The following CPM variants were observed in gnomAD, a reference collection of about 807,000 sequenced individuals.
The protein encoded by CPM is renal carboxypeptidase.
CPM carries 35 observed loss-of-function variants against 46.4 expected under a neutral mutation model. The ratio of observed to expected loss-of-function variants is 0.75; its 90% CI spans 0.58 to 1.00. The LOEUF (loss-of-function observed/expected upper bound fraction) is 1.00, where lower values mean the gene tolerates loss of function less well. CPM is among the 50% of genes least tolerant of loss of function. The pLI is 0.00. For missense variants in CPM, 422 were observed against 530.4 expected (o/e 0.80, Z 2.01); for synonymous variants, 195 against 195.3 (o/e 1.00, Z 0.01).
intron 1 of CPM, among the ~76,000 whole-genome samples, chr12:68,962,801 C>T (rs1267161436): frequency 2.0e-5 from 3 of 152,206 alleles, no homozygotes; most frequent in African/African-American, 7.2e-5. Flanking sequence ...CCTTCGTCTC[C>T]ACAATCCTTT....
chr12:68,860,811 G>A (rs898401243), intron 7 of CPM, among the ~76,000 whole-genome samples: 9 of 152,090 alleles, frequency 5.9e-5, no homozygotes, highest in Non-Finnish European at 1.3e-4. Flanking sequence ...CACCCAGGAT[G>A]GTTGTGAAGA....
In CPM at chr12:68,871,864, G is replaced by C; in HGVS notation, c.351C>G (p.Thr117=). ...DPEITNLINS[T]RIHIMPSMNP... Reference sequence around the variant, plus strand: ...TCATGGAAGGCATGATGTGTATCCGGGTACTATTGATCAGATTTGTGATTT... The same window carrying C: ...TCATGGAAGGCATGATGTGTATCCGCGTACTATTGATCAGATTTGTGATTT... Residue 117 remains threonine, a synonymous_variant, in exon 4 of 9, where the codon ACC becomes ACG. Transcript: ENST00000551568. 1 of 1,614,126 alleles carries C rather than the reference G, an allele frequency of 6.2e-7. No homozygotes were observed. The highest frequency in any genetic ancestry group is 1.3e-5 in the African/African-American group (1 of 75,022).
At chr12:68,893,363 G>T (rs745324170) in intron 2 of CPM, among the ~76,000 whole-genome samples, 2 of 152,176 alleles carry the variant, frequency 1.3e-5, no homozygotes, top group African/African-American at 2.4e-5. Flanking sequence ...CTGAGAGCCT[G>T]TACAGATGTG....
intron 3 of CPM, among the ~76,000 whole-genome samples, chr12:68,876,797 C>T (rs539075648): frequency 1.3e-5 from 2 of 152,170 alleles, no homozygotes; most frequent in Non-Finnish European, 2.9e-5. Context: ...TGGTTCTTCA[C>T]AGAATGTTTA....
intron 1 of CPM, among the ~76,000 whole-genome samples, chr12:68,950,780 C>T (rs775171810): frequency 5.9e-5 from 9 of 152,306 alleles, no homozygotes; most frequent in South Asian, 4.1e-4. Flanking sequence ...GTGATCCTCA[C>T]GTGGAAGTGG....
intron 2 of CPM, among the ~76,000 whole-genome samples, chr12:68,900,013 T>C (rs540512558): frequency 2.0e-5 from 3 of 152,370 alleles, no homozygotes; most frequent in African/African-American, 7.2e-5. Flanking sequence ...CTTATTTTAC[T>C]ATTTTTGTAT....
Position 68,859,085 on chromosome 12 carries a change from A to G in CPM, c.941-14T>C. On this transcript the variant is annotated splice_polypyrimidine_tract_variant and intron_variant, in intron 7 of 8. Coordinates refer to ENST00000551568, the MANE Select transcript of CPM (RefSeq NM_198320.5). ...GACCCTTTACACCTGCAAGACAAAAATAAAATTAAATATTAATACCATATT... is the reference window on the plus strand; with the variant it reads ...GACCCTTTACACCTGCAAGACAAAAGTAAAATTAAATATTAATACCATATT... The G allele has an allele frequency of 2.8e-6, 4 of 1,405,660 alleles. No individual in the cohort carries two copies. Among genetic ancestry groups the G allele is most frequent in the Non-Finnish European group, 3.8e-6 (4 of 1,064,626 alleles). The allele number at this position is 1,405,660 out of a possible 1,614,324, so 87.1% of individuals were successfully genotyped here. A position where few individuals can be genotyped will look rare whatever the true frequency, so the allele number is the denominator to read the frequency against.
At chr12:68,941,797 C>G (rs1039638167) in intron 1 of CPM, among the ~76,000 whole-genome samples, 2 of 152,154 alleles carry the variant, frequency 1.3e-5, no homozygotes, top group African/African-American at 2.4e-5. Flanking sequence ...CTAAACCTAC[C>G]TCCTTCAAAG....
At chr12:68,934,903 A>G (rs1247771598), upstream of CPM, among the ~76,000 whole-genome samples, 1 of 151,662 alleles carries the variant, frequency 6.6e-6, no homozygotes, top group Non-Finnish European at 1.5e-5. Context: ...TTTTTTTTTT[A>G]ATTTTTTATT....
intron 2 of CPM, among the ~76,000 whole-genome samples, chr12:68,896,539 G>A (rs950670502): frequency 2.6e-5 from 4 of 152,102 alleles, no homozygotes; most frequent in East Asian, 1.9e-4. Flanking sequence ...CCTTTGGTCC[G>A]GGGATTAGAT....
intron 2 of CPM, among the ~76,000 whole-genome samples, chr12:68,928,011 A>G (rs1313784300): frequency 6.6e-6 from 1 of 152,180 alleles, no homozygotes; most frequent in East Asian, 1.9e-4. Flanking sequence ...ACAGAATTGG[A>G]AAAAACTACT....
chr12:68,959,746 A>G (rs937701121), intron 1 of CPM, among the ~76,000 whole-genome samples: 1 of 152,256 alleles, frequency 6.6e-6, no homozygotes, highest in Non-Finnish European at 1.5e-5. Flanking sequence ...GGAATAAGGA[A>G]GAAGTGAAGC....
At chr12:68,941,916 T>A (rs889145808) in intron 1 of CPM, among the ~76,000 whole-genome samples, 9 of 152,240 alleles carry the variant, frequency 5.9e-5, no homozygotes, top group African/African-American at 4.8e-5. Context: ...TTGCTATTTA[T>A]AGCTAGAGAT....
intron 8 of CPM, among the ~76,000 whole-genome samples, chr12:68,858,428 G>A (rs970116325): frequency 1.3e-5 from 2 of 151,968 alleles, no homozygotes; most frequent in Admixed American, 6.6e-5. Flanking sequence ...TACTTGCATC[G>A]ATGAAAAAAG....
At chr12:68,949,224 A>G (rs1396382752) in intron 1 of CPM, among the ~76,000 whole-genome samples, 1 of 152,176 alleles carries the variant, frequency 6.6e-6, no homozygotes, top group Admixed American at 6.5e-5. Context: ...TACAAAAATT[A>G]GTTGGGCATG....
At position 68,886,633 on chromosome 12, in the gene CPM, A is replaced by AAAAT. The variant is rs566833447; in HGVS notation, c.161-748_161-745dup. ...GGCGACAGAGCGAGACTCCGTCTCA[A>AAAAT]AAATAAATAAATAAATAAATAAAAT... On this transcript the variant is annotated intron_variant, in intron 2 of 8. Transcript: ENST00000551568. 4.0e-3 allele frequency among the ~76,000 whole-genome samples: 609 copies of AAAAT among 152,280 alleles called. 1 individual carries two copies. The highest frequency in any genetic ancestry group is 0.013 in the African/African-American group (560 of 41,546).
intron 1 of CPM, among the ~76,000 whole-genome samples, chr12:68,954,629 A>G (rs1252525326): frequency 6.6e-6 from 1 of 151,854 alleles, no homozygotes; most frequent in Non-Finnish European, 1.5e-5. Context: ...CCTGATTTCA[A>G]TTTTCATCCC....
At chr12:68,956,810 A>G (rs891438372) in intron 1 of CPM, among the ~76,000 whole-genome samples, 1 of 152,092 alleles carries the variant, frequency 6.6e-6, no homozygotes, top group Non-Finnish European at 1.5e-5. Flanking sequence ...TTACTTATGG[A>G]TAGACATAAA....
At chr12:68,872,040 G>A in intron 3 of CPM, 84 bp from the exon 4 acceptor site, 1 of 1,400,412 alleles carries the variant, frequency 7.1e-7, no homozygotes, top group Non-Finnish European at 9.9e-7. Flanking sequence ...TTCCCCAATA[G>A]GGGTCTCTAC....
Sources: allele counts gnomAD v4.1 joint callset (sites outside exome capture counted in the v4.1 genomes callset), GRCh38; gene constraint gnomAD v4.1.1; transcripts MANE v1.5; gene names NCBI Gene and HGNC (gene_info 2026-07-23, HGNC 2026-07-21).